The following BTBD16 variants were observed in gnomAD, a reference collection of about 807,000 sequenced individuals.
The protein encoded by BTBD16 is BTB/POZ domain-containing protein 16.
Under a neutral mutation model 67.4 loss-of-function variants are expected in BTBD16, and 66 were observed. The ratio of observed to expected loss-of-function variants is 0.98; its 90% confidence interval spans 0.80 to 1.20. The LOEUF (loss-of-function observed/expected upper bound fraction) is 1.20, where lower values mean the gene tolerates loss of function less well. BTBD16 is among the 50% of genes most tolerant of loss of function. The pLI is 0.00. For synonymous variants in BTBD16, 242 were observed against 236.4 expected (o/e 1.02, Z -0.22); for missense variants, 634 against 616.0 (o/e 1.03, Z -0.31).
At chr10:122,295,858 C>T (rs985233779) in intron 7 of BTBD16, among the ~76,000 whole-genome samples, 1 of 152,118 alleles carries the variant, frequency 6.6e-6, no homozygotes, top group East Asian at 1.9e-4. Flanking sequence ...GTGCCTTGGC[C>T]ATGACCAGAT....
chr10:122,318,243 T>C (rs2096429625), intron 10 of BTBD16, among the ~76,000 whole-genome samples: 1 of 152,218 alleles, frequency 6.6e-6, no homozygotes, highest in African/African-American at 2.4e-5. Flanking sequence ...TCATGGAGTC[T>C]GTACTCCTTT....
At chr10:122,330,928 C>T (rs888045515) in intron 11 of BTBD16, among the ~76,000 whole-genome samples, 1 of 152,100 alleles carries the variant, frequency 6.6e-6, no homozygotes, top group African/African-American at 2.4e-5. Context: ...CCATGTTGGC[C>T]AGGCTGGTAT....
intron 2 of BTBD16, among the ~76,000 whole-genome samples, chr10:122,275,991 G>A (rs550357363): frequency 6.6e-6 from 1 of 152,342 alleles, no homozygotes; most frequent in South Asian, 2.1e-4. Flanking sequence ...TAAGCAAAAT[G>A]TGGAATATTT....
chr10:122,289,636 G>A (rs914460775), intron 5 of BTBD16, among the ~76,000 whole-genome samples: 1 of 152,118 alleles, frequency 6.6e-6, no homozygotes, highest in African/African-American at 2.4e-5. Context: ...TACTTGGGAG[G>A]CTGAGGCAGG....
intron 9 of BTBD16, among the ~76,000 whole-genome samples, chr10:122,303,239 A>G (rs947327196): frequency 4.6e-5 from 7 of 152,172 alleles, no homozygotes; most frequent in Non-Finnish European, 8.8e-5. Flanking sequence ...TCCCCTCCTA[A>G]AGACAATTAA....
chr10:122,309,120 G>C (rs1157250603), intron 10 of BTBD16, among the ~76,000 whole-genome samples: 1 of 152,056 alleles, frequency 6.6e-6, no homozygotes. Context: ...GTGAGTCTCT[G>C]TCAGACTTTT....
At chr10:122,286,516 A>T (rs996811464) in intron 5 of BTBD16, among the ~76,000 whole-genome samples, 1 of 152,194 alleles carries the variant, frequency 6.6e-6, no homozygotes, top group Admixed American at 6.5e-5. Flanking sequence ...CTCTCAGTAC[A>T]TGCCAGTTAT....
intron 14 of BTBD16, among the ~76,000 whole-genome samples, chr10:122,335,993 T>C (rs549243553): frequency 5.7e-4 from 87 of 152,328 alleles, no homozygotes; most frequent in Middle Eastern, 3.4e-3. Flanking sequence ...AATAAATGAA[T>C]GGATAAACGA....
intron 5 of BTBD16, among the ~76,000 whole-genome samples, chr10:122,286,980 G>A (rs1365371192): frequency 2.0e-5 from 3 of 152,136 alleles, no homozygotes; most frequent in East Asian, 3.9e-4. Context: ...CAGTCATGAC[G>A]GACTTTCTAT....
At chr10:122,307,375 A>T in intron 10 of BTBD16, 67 bp downstream of exon 10, 2 of 1,439,106 alleles carry the variant, frequency 1.4e-6, no homozygotes, top group Non-Finnish European at 9.3e-7. Context: ...TGCTCATAAT[A>T]TCACGGGGGA....
chr10:122,337,462 T>C (rs1182117452), intron 15 of BTBD16, among the ~76,000 whole-genome samples: 2 of 151,922 alleles, frequency 1.3e-5, no homozygotes, highest in East Asian at 3.9e-4. Context: ...TTTTTGTTCG[T>C]TTTGTTTTGT....
intron 3 of BTBD16, 143 bp from the exon 4 acceptor site, chr10:122,283,708 G>A: frequency 4.6e-6 from 3 of 653,344 alleles, no homozygotes; most frequent in Non-Finnish European, 8.1e-6. Flanking sequence ...ATGGTGACCT[G>A]AGGAAACTCT....
At chr10:122,287,428 G>T (rs2096366026) in intron 5 of BTBD16, 1 of 985,288 alleles carries the variant, frequency 1.0e-6, no homozygotes, top group African/African-American at 1.7e-5. Flanking sequence ...ATTTAGCCCT[G>T]CTAAGACAGC....
intron 10 of BTBD16, among the ~76,000 whole-genome samples, chr10:122,322,263 G>A (rs1565016183): frequency 6.6e-6 from 1 of 152,034 alleles, no homozygotes; most frequent in East Asian, 1.9e-4. Context: ...CTTGAAATGG[G>A]TATTTAGATA....
chr10:122,291,306 T>C, intron 7 of BTBD16, 112 bp downstream of exon 7: 1 of 1,348,518 alleles, frequency 7.4e-7, no homozygotes, highest in Middle Eastern at 1.9e-4. Context: ...ACACCTCAGG[T>C]GTCTTTGTGC....
At chr10:122,310,865 G>A (rs1050983405) in intron 10 of BTBD16, among the ~76,000 whole-genome samples, 1 of 152,158 alleles carries the variant, frequency 6.6e-6, no homozygotes, top group Admixed American at 6.5e-5. Context: ...CCCGGACCTT[G>A]ACCCTACCAG....
At chr10:122,329,370 C>A in intron 10 of BTBD16, 110 bp from the exon 11 acceptor site, 1 of 995,874 alleles carries the variant, frequency 1.0e-6, no homozygotes, top group Non-Finnish European at 1.5e-6. Context: ...CCCCATCTCC[C>A]CCTGGCTAGT....
intron 10 of BTBD16, among the ~76,000 whole-genome samples, chr10:122,325,380 TAGA>T (rs896982314): frequency 7.9e-5 from 12 of 152,176 alleles, no homozygotes; most frequent in African/African-American, 2.4e-4. Flanking sequence ...AGATGTATGT[TAGA>T]AGAAGTCAGC....
At position 122,303,987 on chromosome 10, in the gene BTBD16, T is replaced by TC. The variant is rs532351192; in HGVS notation, c.792-3197dup. On this transcript the variant is annotated intron_variant, in intron 9 of 15. Coordinates refer to ENST00000260723, the MANE Select transcript of BTBD16 (RefSeq NM_144587.5). Reference sequence around the variant, plus strand: ...TCTGATTCGTGGAGCTCCCAAGGACTCCCCCATGTTGCTGCTAGCCCCTCT... The same window carrying TC: ...TCTGATTCGTGGAGCTCCCAAGGACTCCCCCCATGTTGCTGCTAGCCCCTCT... Among the ~76,000 whole-genome samples, 8 of 152,268 alleles carry TC rather than the reference T, an allele frequency of 5.3e-5. No homozygotes were observed. The South Asian group carries it at 1.7e-3, about 32-fold the overall frequency.
Sources: gnomAD v4.1 joint callset for allele counts (sites outside exome capture counted in the v4.1 genomes callset) on GRCh38, gnomAD v4.1.1 for gene constraint, MANE v1.5 for transcripts, NCBI Gene and HGNC (gene_info 2026-07-23, HGNC 2026-07-21) for gene names.